YLPM1: variants seen among roughly 807,000 people sequenced by gnomAD.
The protein encoded by YLPM1 is YLP motif containing 1.
Under a neutral mutation model 230.0 loss-of-function variants are expected in YLPM1, and 99 were observed. That is an observed-to-expected ratio of 0.43 (90% CI 0.37 to 0.51). YLPM1 has a LOEUF of 0.51. Among genes scored for constraint, YLPM1 ranks in the 20% least tolerant of loss-of-function variants. The pLI is 0.00. For missense variants in YLPM1, 2,592 were observed against 2,707.7 expected (o/e 0.96, Z 0.95); for synonymous variants, 984 against 942.5 (o/e 1.04, Z -0.81).
At chr14:74,812,001 G>A (rs369994888) in intron 10 of YLPM1, among the ~76,000 whole-genome samples, 30 of 152,084 alleles carry the variant, frequency 2.0e-4, no homozygotes, top group African/African-American at 6.8e-4. Context: ...CCTCTCATTC[G>A]CTCTTTACAG....
intron 4 of YLPM1, among the ~76,000 whole-genome samples, chr14:74,785,818 CAT>C (rs573307702): frequency 2.1e-3 from 321 of 152,264 alleles, no homozygotes; most frequent in South Asian, 7.5e-3. Flanking sequence ...TCTAAAAAGT[CAT>C]GTGACAAAAC....
At chr14:74,815,911 G>C (rs2091474546) in intron 11 of YLPM1, among the ~76,000 whole-genome samples, 1 of 151,566 alleles carries the variant, frequency 6.6e-6, no homozygotes, top group African/African-American at 2.4e-5. Flanking sequence ...CTTGATTTCT[G>C]GTTCCTCTTC....
At chr14:74,831,020 C>G (rs568681479) in intron 19 of YLPM1, among the ~76,000 whole-genome samples, 2 of 152,264 alleles carry the variant, frequency 1.3e-5, no homozygotes, top group African/African-American at 4.8e-5. Context: ...GTGTATGTCT[C>G]TCTTTACACG....
chr14:74,764,858 G>T (rs1475133687), intron 1 of YLPM1, among the ~76,000 whole-genome samples: 1 of 152,114 alleles, frequency 6.6e-6, no homozygotes, highest in African/African-American at 2.4e-5. Flanking sequence ...GAATTAAGAG[G>T]TTTCAGAAAA....
rs568325221 is a variant in YLPM1, at chr14:74,832,579, C to T, written c.6295-2686C>T. ...CTGCCTCCCAGGTTCAAGCCATTCT[C>T]ATGCCTCAGCCTCCTGAGTAGCTGG... On this transcript the variant is annotated intron_variant, in intron 19 of 20. Coordinates refer to ENST00000325680, the MANE Select transcript of YLPM1 (RefSeq NM_019589.3). 2.8e-4 allele frequency among the ~76,000 whole-genome samples: 42 copies of T among 152,280 alleles called. No homozygotes were observed. The East Asian group carries it at 5.0e-3, about 18-fold the overall frequency.
intron 4 of YLPM1, among the ~76,000 whole-genome samples, chr14:74,784,404 C>T (rs1013340474): frequency 6.6e-6 from 1 of 152,190 alleles, no homozygotes; most frequent in Admixed American, 6.5e-5. Flanking sequence ...CACATATCAT[C>T]TTATTTATTC....
chr14:74,777,858 C>G (rs1404160983), intron 1 of YLPM1, among the ~76,000 whole-genome samples: 1 of 151,916 alleles, frequency 6.6e-6, no homozygotes, highest in South Asian at 2.1e-4. Flanking sequence ...GCCTACGAAC[C>G]CAGCTGCTCA....
chr14:74,827,109 A>G (rs2091569417), intron 18 of YLPM1, among the ~76,000 whole-genome samples: 2 of 152,198 alleles, frequency 1.3e-5, no homozygotes, highest in African/African-American at 4.8e-5. Context: ...TTTCAGAAAT[A>G]CCATTTACAT....
In YLPM1 at chr14:74,809,323, G is replaced by C. The variant is rs2091410448; in HGVS notation, c.4522-57G>C. On this transcript the variant is annotated intron_variant, in intron 6 of 20. Coordinates refer to ENST00000325680, the MANE Select transcript of YLPM1 (RefSeq NM_019589.3). ...TGAGAACCAGATTTTAATTTCCACTGATCTATAAAAACATAGTGGTATACT... is the reference window on the plus strand; with the variant it reads ...TGAGAACCAGATTTTAATTTCCACTCATCTATAAAAACATAGTGGTATACT... 3.7e-5 allele frequency: 56 copies of C among 1,519,594 alleles called. 2 individuals carry two copies. The South Asian group carries it at 7.3e-4, about 20-fold the overall frequency. 94.1% of individuals were successfully genotyped at this position (1,519,594 alleles called of 1,614,324 possible).
rs769208314 is a variant in YLPM1 at position 74,778,549 on chromosome 14, A to G, written c.976A>G (p.Thr326Ala). The G allele has an allele frequency of 3.1e-6, 5 of 1,607,460 alleles. No individual in the cohort carries two copies. The highest frequency in any genetic ancestry group is 4.2e-6 in the Non-Finnish European group (5 of 1,176,988). Residue 326 changes from threonine to alanine, a missense_variant, in exon 2 of 21, where the codon ACA becomes GCA. By Grantham distance (58) the Thr-to-Ala change is moderately conservative. Transcript: ENST00000325680. ...AAAGGGTCCTGTGGTAGCAAAGGAT[A>G]CACCAGAGCCGGTAAAAGAAGAAGT... ...HKKGPVVAKD[T>A]PEPVKEEVTV...
rs756860106 is a variant in YLPM1, at chr14:74,799,650, G to T, written c.4353G>T (p.Arg1451Ser). Residue 1451 changes from arginine (R) to serine (S), a missense_variant, in exon 5 of 21, where the codon AGG becomes AGT. By Grantham distance (110) the Arg-to-Ser change is moderately radical. This residue lies in a region of YLPM1 where 12 missense variants were observed against 31.8 expected (regional missense o/e 0.38). Coordinates refer to ENST00000325680, the MANE Select transcript of YLPM1 (RefSeq NM_019589.3). ...GLGGVMVLSQ[R>S]QHEIILKAAQ... The stretch of plus-strand genomic sequence containing the variant: ...GAGGGGTAATGGTTCTCAGTCAGAG[G>T]CAGCATGAAATCATTTTGAAAGCTG... 6.2e-7 allele frequency: 1 copy of T among 1,613,270 alleles called. No homozygotes were observed. The highest frequency in any genetic ancestry group is 8.5e-7 in the Non-Finnish European group (1 of 1,179,382).
chr14:74,799,562 C>T lies in YLPM1; in HGVS notation c.4265C>T (p.Ser1422Phe), dbSNP rs369089869. The part of the protein sequence containing the change: ...RHSPMAEHMP[S>F]SHHSSEMMGS... ...TCCCCCATGGCGGAACATATGCCCTCCTCACATCATTCCTCAGAAATGATG... is the reference window on the plus strand; with the variant it reads ...TCCCCCATGGCGGAACATATGCCCTTCTCACATCATTCCTCAGAAATGATG... Residue 1422 changes from serine (S) to phenylalanine (F), a missense_variant, in exon 5 of 21, where the codon TCC (serine) becomes TTC (phenylalanine). This residue lies in a region of YLPM1 where 1,862 missense variants were observed against 1,819.8 expected (regional missense o/e 1.02). Coordinates refer to ENST00000325680, the MANE Select transcript of YLPM1 (RefSeq NM_019589.3). 401 of 1,613,842 alleles carry T rather than the reference C, an allele frequency of 2.5e-4. 2 individuals are homozygous for T. Among genetic ancestry groups the T allele is most frequent in the South Asian group, 4.4e-4 (40 of 91,082 alleles).
chr14:74,831,554 A>G (rs917713277), intron 19 of YLPM1, among the ~76,000 whole-genome samples: 3 of 152,236 alleles, frequency 2.0e-5, no homozygotes, highest in African/African-American at 4.8e-5. Flanking sequence ...ACTGAGGAGT[A>G]TGTAATCCCA....
chr14:74,830,290 T>G (rs961988596), intron 19 of YLPM1, among the ~76,000 whole-genome samples: 1 of 152,204 alleles, frequency 6.6e-6, no homozygotes, highest in Non-Finnish European at 1.5e-5. Context: ...TTTGAAGTTT[T>G]GCTGTGAAAG....
At chr14:74,820,565 C>A (rs920250129) in intron 16 of YLPM1, among the ~76,000 whole-genome samples, 4 of 152,076 alleles carry the variant, frequency 2.6e-5, no homozygotes, top group African/African-American at 9.7e-5. Flanking sequence ...TTTACTCTGC[C>A]CTTGTGACCT....
At chr14:74,782,485 A>G (rs1282761635) in intron 4 of YLPM1, among the ~76,000 whole-genome samples, 160 bp downstream of exon 4, 1 of 152,174 alleles carries the variant, frequency 6.6e-6, no homozygotes, top group African/African-American at 2.4e-5. Flanking sequence ...TAATCTAGAA[A>G]AGGTAACATG....
intron 1 of YLPM1, among the ~76,000 whole-genome samples, chr14:74,776,507 C>T (rs765450778): frequency 1.1e-4 from 16 of 152,356 alleles, no homozygotes; most frequent in Admixed American, 3.3e-4. Context: ...GGACACTAAA[C>T]AGCATCTCAG....
intron 6 of YLPM1, among the ~76,000 whole-genome samples, chr14:74,805,553 G>C (rs375049824): frequency 1.3e-5 from 2 of 150,632 alleles, no homozygotes; most frequent in East Asian, 4.0e-4. Flanking sequence ...GTCTCGCGTT[G>C]TTGCCCAGGC....
intron 4 of YLPM1, among the ~76,000 whole-genome samples, chr14:74,784,952 A>G (rs901605689): frequency 2.0e-5 from 3 of 152,254 alleles, no homozygotes; most frequent in Admixed American, 6.5e-5. Flanking sequence ...TCAGATGCAG[A>G]GGAGCATGGG....
Sources: gnomAD v4.1 joint callset for allele counts (sites outside exome capture counted in the v4.1 genomes callset) on GRCh38, gnomAD v4.1.1 for gene constraint, gnomAD v4.1.1 regional missense constraint, MANE v1.5 for transcripts, NCBI Gene and HGNC (gene_info 2026-07-23, HGNC 2026-07-21) for gene names.